Variants in CAPN11 observed in about 807,000 individuals in gnomAD.
The protein encoded by CAPN11 is calpain 11.
Under a neutral mutation model 105.3 loss-of-function variants are expected in CAPN11, and 108 were observed. The observed-to-expected ratio is 1.03, with a 90% confidence interval of 0.88 to 1.20. The LOEUF (loss-of-function observed/expected upper bound fraction) is 1.20. Ranked by LOEUF, CAPN11 falls within the 50% of genes most tolerant of loss-of-function variation. The pLI is 0.00. For missense variants in CAPN11, 883 were observed against 924.8 expected, an observed-to-expected ratio of 0.95 and a Z score of 0.59; for synonymous variants, 329 against 344.5, an observed-to-expected ratio of 0.96 and a Z score of 0.50.
chr6:44,160,510 G>A (rs751861590), intron 1 of CAPN11, among the ~76,000 whole-genome samples: 17 of 152,060 alleles, frequency 1.1e-4, no homozygotes, highest in East Asian at 5.8e-4. Context: ...CCAGCTACTC[G>A]GGAGGCTGAG....
intron 17 of CAPN11, 50 bp from the exon 18 acceptor site, chr6:44,180,883 G>A (rs1173755755): frequency 4.4e-6 from 7 of 1,604,008 alleles, no homozygotes; most frequent in East Asian, 2.2e-5. Context: ...GTGCCCCCAC[G>A]ATACCTCATT....
intron 1 of CAPN11, among the ~76,000 whole-genome samples, chr6:44,163,088 C>T (rs1334863866): frequency 1.3e-5 from 2 of 152,160 alleles, no homozygotes; most frequent in Non-Finnish European, 2.9e-5. Context: ...TTCTGAGCAC[C>T]TGCTAAACTC....
Position 44,184,047 on chromosome 6 carries a change from G to T in CAPN11, c.*115G>T. Reference sequence around the variant, plus strand: ...CTCTCCGGTCTCTGCTGATGAAATGGGCTCCAGGTGGCAGTGCCCGGGTCC... The same window carrying T: ...CTCTCCGGTCTCTGCTGATGAAATGTGCTCCAGGTGGCAGTGCCCGGGTCC... On this transcript the variant is annotated 3_prime_UTR_variant, in exon 23 of 23. Coordinates refer to ENST00000398776, the MANE Select transcript of CAPN11 (RefSeq NM_007058.4). 1.7e-6 allele frequency: 2 copies of T among 1,186,864 alleles called. No individual in the cohort carries two copies. Among genetic ancestry groups the T allele is most frequent in the Non-Finnish European group, 2.4e-6 (2 of 833,536 alleles). 73.5% of individuals were successfully genotyped at this position (1,186,864 alleles called of 1,614,324 possible).
intron 7 of CAPN11, among the ~76,000 whole-genome samples, chr6:44,175,375 G>A (rs1025258292): frequency 6.6e-6 from 1 of 152,142 alleles, no homozygotes; most frequent in Admixed American, 6.5e-5. Flanking sequence ...AGCTACTCAG[G>A]AGGCTGAGGT....
At chr6:44,165,111 A>G (rs1185297399) in intron 1 of CAPN11, among the ~76,000 whole-genome samples, 1 of 151,444 alleles carries the variant, frequency 6.6e-6, no homozygotes, top group Non-Finnish European at 1.5e-5. Context: ...CTGGTCTTGA[A>G]CTCCTAGCCT....
Position 44,173,261 on chromosome 6 carries a change from G to C in CAPN11, c.706G>C (p.Glu236Gln), listed in dbSNP as rs1231792575. The C allele has an allele frequency of 1.9e-6, 3 of 1,613,862 alleles. No individual in the cohort carries two copies. The highest frequency in any genetic ancestry group is 2.5e-6 in the Non-Finnish European group (3 of 1,179,892). The part of the protein sequence containing the change: ...YEALSGGSTM[E>Q]GLEDFTGGVA... ...AGCATTGTCAGGGGGCAGTACCATG[G>C]AGGGCCTTGAGGACTTCACAGGAGG... The change falls in exon 7 of 23, where the codon GAG becomes CAG. Residue 236 changes from glutamate to glutamine, a missense_variant. Coordinates refer to ENST00000398776, the MANE Select transcript of CAPN11 (RefSeq NM_007058.4).
At chr6:44,161,900 A>G (rs937892618) in intron 1 of CAPN11, 10 of 455,950 alleles carry the variant, frequency 2.2e-5, no homozygotes, top group African/African-American at 2.0e-4. Context: ...CGTGTGAATG[A>G]CCTTAGATGA....
chr6:44,161,669 G>A, intron 1 of CAPN11: 2 of 407,298 alleles, frequency 4.9e-6, no homozygotes, highest in Non-Finnish European at 1.0e-5. Context: ...TGGTGACTAG[G>A]GGACAGAGGG....
At chr6:44,168,815 T>G in intron 2 of CAPN11, 1 of 330,464 alleles carries the variant, frequency 3.0e-6, no homozygotes. Flanking sequence ...GGGACAGGGT[T>G]TCGCCATGTT....
Position 44,172,307 on chromosome 6 carries a change from T to C in CAPN11, c.415T>C (p.Cys139Arg), listed in dbSNP as rs959797247. 1.3e-6 allele frequency: 2 copies of C among 1,551,656 alleles called. No homozygotes were observed. Among genetic ancestry groups the C allele is most frequent in the East Asian group, 2.4e-5 (1 of 41,024 alleles). Residue 139 changes from cysteine (C) to arginine (R), a missense_variant, in exon 5 of 23, where the codon TGC (cysteine) becomes CGC (arginine). By Grantham distance (180) the Cys-to-Arg change is radical. Coordinates refer to ENST00000398776, the MANE Select transcript of CAPN11 (RefSeq NM_007058.4). ...AGCCCTGCCTGTCTTTCCAGGGGAC[T>C]GCTGGCTGCTGGCTGCCATCGGCTC... ...TDICQGILGDCWLLAAIGSLT... is the reference protein window; with the variant it reads ...TDICQGILGDRWLLAAIGSLT...
intron 1 of CAPN11, among the ~76,000 whole-genome samples, chr6:44,165,589 A>G (rs1323839353): frequency 1.3e-5 from 2 of 152,196 alleles, no homozygotes; most frequent in Non-Finnish European, 2.9e-5. Flanking sequence ...GAAGATCCCC[A>G]GCTCACTGGC....
chr6:44,164,144 C>G (rs1769401492), intron 1 of CAPN11, among the ~76,000 whole-genome samples: 1 of 152,082 alleles, frequency 6.6e-6, no homozygotes, highest in Non-Finnish European at 1.5e-5. Flanking sequence ...TGCACTGCAG[C>G]CTGGGGAACA....
rs200279946 is a variant in CAPN11 at position 44,173,030 on chromosome 6, C to T, written c.619C>T (p.Arg207Cys). ...GCTGGTGTTTGTGCACTCAACCGAA[C>T]GCAGTGAGTTCTGGAGTGCCCTGCT... is the stretch of plus-strand genomic sequence containing the variant. ...DKLVFVHSTE[R>C]SEFWSALLEK... is the part of the protein sequence containing the mutation. The change falls in exon 6 of 23, where the codon CGC (arginine) becomes TGC (cysteine). Residue 207 changes from arginine (R) to cysteine (C), a missense_variant. By Grantham distance (180) the Arg-to-Cys change is radical (BLOSUM62 -3). Coordinates refer to ENST00000398776, the MANE Select transcript of CAPN11 (RefSeq NM_007058.4). 6.6e-5 allele frequency: 106 copies of T among 1,613,360 alleles called. No individual in the cohort carries two copies. The highest frequency in any genetic ancestry group is 2.7e-4 in the East Asian group (12 of 44,876).
intron 1 of CAPN11, among the ~76,000 whole-genome samples, chr6:44,162,368 GACACACACACACACAC>G (rs57009949): frequency 0.014 from 1,990 of 138,742 alleles, 97 homozygotes; most frequent in East Asian, 0.11. Context: ...TTTGAATAAA[GACACACACACACACAC>G]ACACACACAC....
intron 2 of CAPN11, chr6:44,168,817 C>T (rs1770456113): frequency 9.1e-6 from 3 of 330,350 alleles, no homozygotes; most frequent in East Asian, 7.9e-5. Flanking sequence ...GACAGGGTTT[C>T]GCCATGTTGG....
intron 12 of CAPN11, among the ~76,000 whole-genome samples, chr6:44,178,644 T>G (rs954209637): frequency 8.0e-5 from 12 of 150,466 alleles, no homozygotes; most frequent in Admixed American, 6.7e-4. Context: ...AGGTGGCTCA[T>G]GCCTATTATC....
At chr6:44,167,206 A>T (rs1440633393) in intron 2 of CAPN11, among the ~76,000 whole-genome samples, 1 of 152,038 alleles carries the variant, frequency 6.6e-6, no homozygotes, top group African/African-American at 2.4e-5. Flanking sequence ...TCCTTAAAAG[A>T]GCAGCATCTA....
At chr6:44,170,492 T>C (rs1198284056) in intron 4 of CAPN11, among the ~76,000 whole-genome samples, 1 of 152,150 alleles carries the variant, frequency 6.6e-6, no homozygotes, top group African/African-American at 2.4e-5. Context: ...CCTCACCACA[T>C]AGGCTTCTCC....
intron 11 of CAPN11, 63 bp downstream of exon 11, chr6:44,177,061 C>A (rs6925778): frequency 3.2e-6 from 5 of 1,565,146 alleles, no homozygotes; most frequent in African/African-American, 2.7e-5. Context: ...CGGCTCACCA[C>A]GAAACCAGAC....
Sources: allele counts gnomAD v4.1 joint callset (sites outside exome capture counted in the v4.1 genomes callset), GRCh38; gene constraint gnomAD v4.1.1; transcripts MANE v1.5; gene names NCBI Gene and HGNC (gene_info 2026-07-23, HGNC 2026-07-21).